Variants in SUSD1 observed in about 807,000 individuals in gnomAD.
SUSD1 encodes sushi domain-containing protein 1.
In SUSD1, 65 loss-of-function variants were observed where a neutral mutation model predicts 86.9. That is an observed-to-expected ratio of 0.75 (90% confidence interval 0.61 to 0.92). The LOEUF (loss-of-function observed/expected upper bound fraction) is 0.92, where lower values mean the gene tolerates loss of function less well. Among genes scored for constraint, SUSD1 ranks in the 40% least tolerant of loss-of-function variants. The probability of loss-of-function intolerance (pLI) is 0.00; values close to 1 mark genes in which losing one functional copy is unlikely to be tolerated. For synonymous variants in SUSD1, 346 were observed against 350.0 expected (o/e 0.99, Z 0.13); for missense variants, 850 against 929.7 (o/e 0.91, Z 1.11).
intron 12 of SUSD1, among the ~76,000 whole-genome samples, chr9:112,064,821 A>G (rs990186879): frequency 6.7e-6 from 1 of 150,328 alleles, no homozygotes; most frequent in South Asian, 2.1e-4. Context: ...GGTTGCAGTG[A>G]GCCAAGATCA....
rs938616480 is a variant in SUSD1 at position 112,060,084 on chromosome 9, A to G, written c.1851-1398T>C. 2.6e-5 allele frequency among the ~76,000 whole-genome samples: 4 copies of G among 152,104 alleles called. 1 individual carries two copies. Among genetic ancestry groups the G allele is most frequent in the African/African-American group, 9.7e-5 (4 of 41,396 alleles). ...TTAGGCCATGTAATTCTATTTTACC[A>G]GTAAATTTGAACTTCCTGCTTCACA... On this transcript the variant is annotated intron_variant, in intron 13 of 16. Coordinates refer to ENST00000374270, the MANE Select transcript of SUSD1 (RefSeq NM_022486.5).
chr9:112,068,716 AATAT>A (rs754525783), intron 12 of SUSD1, among the ~76,000 whole-genome samples: 4 of 134,622 alleles, frequency 3.0e-5, no homozygotes, highest in Non-Finnish European at 5.0e-5. Context: ...AAAAAAAAAA[AATAT>A]TTTTAGCCGT....
In SUSD1 at chr9:112,078,555, A is replaced by G. The variant is rs1247169406; in HGVS notation, c.1736T>C (p.Leu579Pro). 4 of 1,610,606 alleles carry G rather than the reference A, an allele frequency of 2.5e-6. No individual in the cohort carries two copies. The Middle Eastern group carries it at 5.0e-4, about 200-fold the overall frequency. ...AGATTTACCTGTTATCTGGGTTGTC[A>G]GGGAGATGACCACAGGAAGTTCCGA... is the stretch of plus-strand genomic sequence containing the variant. Reference protein sequence around the residue: ...LSSELPVVISLTTQITEPPLP... With the variant: ...LSSELPVVISPTTQITEPPLP... The change falls in exon 12 of 17, where the codon CTG becomes CCG. Residue 579 changes from leucine (L) to proline (P), a missense_variant. Leu to Pro is a moderately conservative substitution (Grantham distance 98). Coordinates refer to ENST00000374270, the MANE Select transcript of SUSD1 (RefSeq NM_022486.5).
chr9:112,131,505 C>T (rs1301181043), intron 5 of SUSD1, among the ~76,000 whole-genome samples: 1 of 152,144 alleles, frequency 6.6e-6, no homozygotes, highest in African/African-American at 2.4e-5. Context: ...GAACATGACC[C>T]TGTCACAGAT....
At chr9:112,128,255 G>A (rs912522962) in intron 5 of SUSD1, among the ~76,000 whole-genome samples, 14 of 151,872 alleles carry the variant, frequency 9.2e-5, no homozygotes, top group Non-Finnish European at 1.6e-4. Flanking sequence ...ACCACACCCA[G>A]CTAATTTTTT....
At chr9:112,162,079 C>T (rs977617782) in intron 1 of SUSD1, among the ~76,000 whole-genome samples, 1 of 152,110 alleles carries the variant, frequency 6.6e-6, no homozygotes, top group Non-Finnish European at 1.5e-5. Flanking sequence ...ATATAATATG[C>T]ACACAATAAA....
At chr9:112,081,209 C>T (rs1048419526) in intron 10 of SUSD1, among the ~76,000 whole-genome samples, 11 of 152,098 alleles carry the variant, frequency 7.2e-5, no homozygotes, top group Non-Finnish European at 1.5e-4. Context: ...TGATGATTAA[C>T]GAGTGATAAA....
chr9:112,145,276 TC>T (rs199532764), intron 3 of SUSD1, among the ~76,000 whole-genome samples: 3,314 of 122,580 alleles, frequency 0.027, 49 homozygotes, highest in Non-Finnish European at 0.042. Context: ...TACCATAATT[TC>T]CTTTTTTTTT....
intron 14 of SUSD1, among the ~76,000 whole-genome samples, chr9:112,057,529 T>A (rs73530697): frequency 0.033 from 5,054 of 152,324 alleles, 253 homozygotes; most frequent in African/African-American, 0.11. Flanking sequence ...TTCTGGGCTT[T>A]AACTTTCCTT....
At chr9:112,092,602 T>TA (rs1451757244) in intron 10 of SUSD1, among the ~76,000 whole-genome samples, 2 of 152,254 alleles carry the variant, frequency 1.3e-5, no homozygotes, top group African/African-American at 4.8e-5. Context: ...TTTATGTCTC[T>TA]GTTTTTGTTT....
rs563485158 is a variant in SUSD1, at chr9:112,076,548, G to A, written c.1753+1990C>T. ...GCAGAGGTGAGAAATCACAAGTTCC[G>A]TTTGATTTGCGTATTAGATGTTCAA... On this transcript the variant is annotated intron_variant, in intron 12 of 16. Transcript: ENST00000374270. Among the ~76,000 whole-genome samples the A allele has an allele frequency of 3.3e-4, 50 of 152,302 alleles. 1 individual carries two copies. In the South Asian group the frequency reaches 3.9e-3, roughly 12 times the overall value.
chr9:112,141,703 A>G (rs1166446386), intron 5 of SUSD1, among the ~76,000 whole-genome samples: 1 of 146,924 alleles, frequency 6.8e-6, no homozygotes, highest in Non-Finnish European at 1.5e-5. Context: ...TATAAAAAAT[A>G]TATAATATAT....
chr9:112,073,278 G>A (rs1829364790), intron 12 of SUSD1, among the ~76,000 whole-genome samples: 1 of 152,138 alleles, frequency 6.6e-6, no homozygotes, highest in Non-Finnish European at 1.5e-5. Flanking sequence ...ATTTCTTGAA[G>A]AAGTTGCCAG....
chr9:112,165,938 GAAAGAAGAAAGA>G (rs770225820), intron 1 of SUSD1, among the ~76,000 whole-genome samples: 80 of 104,668 alleles, frequency 7.6e-4, no homozygotes, highest in African/African-American at 1.3e-3. Context: ...AAGAAAGAAA[GAAAGAAGAAAGA>G]AAGAAAGAAA....
chr9:112,124,357 A>C lies in SUSD1; in HGVS notation c.786T>G (p.Ala262=). 6.2e-7 allele frequency: 1 copy of C among 1,614,188 alleles called. No homozygotes were observed. Among genetic ancestry groups the C allele is most frequent in the Non-Finnish European group, 8.5e-7 (1 of 1,180,008 alleles). Residue 262 remains alanine, a synonymous_variant, in exon 6 of 17, where the codon GCT becomes GCG. Coordinates refer to ENST00000374270, the MANE Select transcript of SUSD1 (RefSeq NM_022486.5). ...CAAAGCCCTCTTGACAGACATAGCG[A>C]GCCACACCGCCCAGCCTGGAGCTGT... ...GNHSSRLGGV[A]RYVCQEGFES...
At chr9:112,086,240 C>T (rs1262191225) in intron 10 of SUSD1, among the ~76,000 whole-genome samples, 6 of 151,076 alleles carry the variant, frequency 4.0e-5, no homozygotes, top group African/African-American at 1.5e-4. Flanking sequence ...ATTGCTTGAG[C>T]CCAGGAGGTC....
chr9:112,049,527 C>T (rs1828099823), intron 15 of SUSD1, among the ~76,000 whole-genome samples: 1 of 152,194 alleles, frequency 6.6e-6, no homozygotes, highest in Admixed American at 6.5e-5. Context: ...TCCTGATCAT[C>T]TTTACAAAGC....
At chr9:112,093,941 T>A (rs541824612) in intron 10 of SUSD1, among the ~76,000 whole-genome samples, 7 of 152,346 alleles carry the variant, frequency 4.6e-5, no homozygotes, top group African/African-American at 1.4e-4. Context: ...ACTTTTTTTT[T>A]ATTTCAGTCT....
At chr9:112,091,116 T>G (rs761374464) in intron 10 of SUSD1, among the ~76,000 whole-genome samples, 2 of 152,212 alleles carry the variant, frequency 1.3e-5, no homozygotes, top group Admixed American at 6.5e-5. Flanking sequence ...GATTGTATAT[T>G]CCATGTAAAA....
Sources: allele counts gnomAD v4.1 joint callset (sites outside exome capture counted in the v4.1 genomes callset), GRCh38; gene constraint gnomAD v4.1.1; transcripts MANE v1.5; gene names NCBI Gene and HGNC (gene_info 2026-07-23, HGNC 2026-07-21).